The following APPL1 variants were observed in gnomAD, a reference collection of about 807,000 sequenced individuals.
The protein encoded by APPL1 is adaptor protein, phosphotyrosine interacting with PH domain and leucine zipper 1.
In APPL1, 42 loss-of-function variants were observed where a neutral mutation model predicts 106.8. The ratio of observed to expected loss-of-function variants is 0.39; its 90% CI spans 0.31 to 0.51. The LOEUF is 0.51. Ranked by LOEUF, APPL1 falls within the 20% of genes least tolerant of loss-of-function variation. The probability of loss-of-function intolerance (pLI) is 0.75; values close to 1 mark genes in which losing one functional copy is unlikely to be tolerated. For synonymous variants in APPL1, 263 were observed against 281.8 expected, an observed-to-expected ratio of 0.93 and a Z score of 0.67; for missense variants, 769 against 858.2, an observed-to-expected ratio of 0.90 and a Z score of 1.30.
chr3:57,233,018 CAAAA>C (rs1029315501), intron 1 of APPL1, among the ~76,000 whole-genome samples: 2 of 151,296 alleles, frequency 1.3e-5, no homozygotes, highest in East Asian at 1.9e-4. Flanking sequence ...AACCAAAAAA[CAAAA>C]AAACAAAAAA....
At chr3:57,243,773 G>T (rs544942347) in intron 7 of APPL1, among the ~76,000 whole-genome samples, 1 of 152,336 alleles carries the variant, frequency 6.6e-6, no homozygotes, top group East Asian at 1.9e-4. Context: ...TAGAGAAGTA[G>T]TTAAAGGCTC....
intron 10 of APPL1, among the ~76,000 whole-genome samples, chr3:57,249,107 A>G (rs914853421): frequency 7.9e-5 from 12 of 152,220 alleles, no homozygotes; most frequent in African/African-American, 2.4e-4. Flanking sequence ...CCTATATTTT[A>G]TGGATCATTA....
At position 57,248,059 on chromosome 3, in the gene APPL1, G is replaced by A. The variant is rs572918483; in HGVS notation, c.705-134G>A. 1.0e-4 allele frequency: 81 copies of A among 780,334 alleles called. No homozygotes were observed. In the South Asian group the frequency reaches 1.9e-3, roughly 18 times the overall value. The allele number at this position is 780,334 out of a possible 1,614,324, so 48.3% of individuals were successfully genotyped here. ...TGTAAACCTGTTTTAAAATATATTC[G>A]TGTTGTTTTAACCACCCATGCCGCT... is the stretch of plus-strand genomic sequence containing the variant. On this transcript the variant is annotated intron_variant, in intron 9 of 21. Transcript: ENST00000288266.
intron 10 of APPL1, 86 bp from the exon 11 acceptor site, chr3:57,249,274 T>C (rs2060790743): frequency 7.0e-7 from 1 of 1,430,856 alleles, no homozygotes; most frequent in African/African-American, 1.4e-5. Context: ...AGCCAGTTCA[T>C]TGTAACATGC....
At chr3:57,251,298 T>C (rs1297128401) in intron 11 of APPL1, among the ~76,000 whole-genome samples, 3 of 150,104 alleles carry the variant, frequency 2.0e-5, no homozygotes, top group African/African-American at 7.3e-5. Flanking sequence ...CCAAGGCGGG[T>C]GGATCACCTG....
At chr3:57,263,049 C>G (rs1428970674) in intron 19 of APPL1, among the ~76,000 whole-genome samples, 1 of 151,888 alleles carries the variant, frequency 6.6e-6, no homozygotes, top group African/African-American at 2.4e-5. Context: ...CAGGGTTTCT[C>G]CATGTTGGTC....
chr3:57,249,602 TGTG>T (rs1182122306), intron 11 of APPL1, 54 bp downstream of exon 11: 10 of 1,386,454 alleles, frequency 7.2e-6, no homozygotes, highest in Non-Finnish European at 9.5e-6. Flanking sequence ...ACTTCTGAAA[TGTG>T]AGATAATTCC....
intron 13 of APPL1, 87 bp downstream of exon 13, chr3:57,253,825 G>T: frequency 8.8e-7 from 1 of 1,136,870 alleles, no homozygotes; most frequent in Non-Finnish European, 1.1e-6. Flanking sequence ...TAATTTCTCA[G>T]GTTCTGTAAT....
Position 57,246,990 on chromosome 3 carries a change from C to CAA in APPL1, c.622-389_622-388dup, listed in dbSNP as rs56949619. Reference sequence around the variant, plus strand: ...CTGGATGACAGACGAGACCCTGTCTCAAAAAAAAAAAAAAAAATTGAATCT... The same window carrying CAA: ...CTGGATGACAGACGAGACCCTGTCTCAAAAAAAAAAAAAAAAAAATTGAATCT... On this transcript the variant is annotated intron_variant, in intron 8 of 21. Coordinates refer to ENST00000288266, the MANE Select transcript of APPL1 (RefSeq NM_012096.3). 1.7e-3 allele frequency among the ~76,000 whole-genome samples: 164 copies of CAA among 97,752 alleles called. 1 individual carries two copies. Among genetic ancestry groups the CAA allele is most frequent in the East Asian group, 0.016 (64 of 4,032 alleles). The allele number at this position is 97,752 out of a possible 152,430, so 64.1% of individuals were successfully genotyped here.
rs749542390 is a variant in APPL1, at chr3:57,245,547, A to ATTT, written c.475-529_475-528insTTT. Among the ~76,000 whole-genome samples the ATTT allele has an allele frequency of 2.1e-5, 3 of 143,780 alleles. 1 individual carries two copies. Among genetic ancestry groups the ATTT allele is most frequent in the Non-Finnish European group, 3.1e-5 (2 of 65,336 alleles). The allele number at this position is 143,780 out of a possible 152,430, so 94.3% of individuals were successfully genotyped here. A position where few individuals can be genotyped will look rare whatever the true frequency, so the allele number is the denominator to read the frequency against. On this transcript the variant is annotated intron_variant, in intron 7 of 21. Transcript: ENST00000288266. The stretch of plus-strand genomic sequence containing the variant: ...GTACAGAATTCTGTTTTCAATATGC[A>ATTT]GTTTTTTTTTTTTTTGAGACAGTCT...
In APPL1 at chr3:57,271,743, G is replaced by T. The variant is rs1472821709; in HGVS notation, c.*2056G>T. ...GGCACTGGCAGACTTAGGGATGCTG[G>T]ACAGACCTGTAGTTCGTTTTAAGTC... On this transcript the variant is annotated 3_prime_UTR_variant, in exon 22 of 22. Coordinates refer to ENST00000288266, the MANE Select transcript of APPL1 (RefSeq NM_012096.3). The T allele has an allele frequency of 6.6e-6, 1 of 152,184 alleles. No individual in the cohort carries two copies. The highest frequency in any genetic ancestry group is 1.5e-5 in the Non-Finnish European group (1 of 68,034). 9.4% of individuals were successfully genotyped at this position (152,184 alleles called of 1,614,324 possible). A position where few individuals can be genotyped will look rare whatever the true frequency, so the allele number is the denominator to read the frequency against.
intron 19 of APPL1, among the ~76,000 whole-genome samples, chr3:57,263,374 T>A (rs952172628): frequency 6.6e-6 from 1 of 151,898 alleles, no homozygotes; most frequent in African/African-American, 2.4e-5. Context: ...TTTTTTTTTT[T>A]AATCATTAAC....
intron 16 of APPL1, among the ~76,000 whole-genome samples, chr3:57,259,446 C>T (rs1434281971): frequency 6.6e-6 from 1 of 151,734 alleles, no homozygotes; most frequent in Non-Finnish European, 1.5e-5. Flanking sequence ...TAAGAACCAC[C>T]AGTTGTTGTG....
Position 57,247,175 on chromosome 3 carries a change from C to A in APPL1, c.622-220C>A, listed in dbSNP as rs943436123. ...TATGTATATATTACTTGTTCCAATT[C>A]AAAAAATATAAAAGGATATGCAGTG... On this transcript the variant is annotated intron_variant, in intron 8 of 21. Coordinates refer to ENST00000288266, the MANE Select transcript of APPL1 (RefSeq NM_012096.3). Among the ~76,000 whole-genome samples, 8 of 152,092 alleles carry A rather than the reference C, an allele frequency of 5.3e-5. No individual in the cohort carries two copies. In the East Asian group the frequency reaches 1.4e-3, roughly 26 times the overall value.
chr3:57,255,598 C>T lies in APPL1; in HGVS notation c.1153-1359C>T, dbSNP rs559583632. Among the ~76,000 whole-genome samples, 3 of 152,206 alleles carry T rather than the reference C, an allele frequency of 2.0e-5. No individual in the cohort carries two copies. The South Asian group carries it at 6.2e-4, about 32-fold the overall frequency. ...AAAATCTCATGACCTCCAAAATACT[C>T]GTAATTTGTTAGTTTTATAATGTTA... On this transcript the variant is annotated intron_variant, in intron 13 of 21. Coordinates refer to ENST00000288266, the MANE Select transcript of APPL1 (RefSeq NM_012096.3).
At chr3:57,263,039 C>T (rs2060875735) in intron 19 of APPL1, among the ~76,000 whole-genome samples, 1 of 151,834 alleles carries the variant, frequency 6.6e-6, no homozygotes, top group Admixed American at 6.6e-5. Context: ...TTAGTAGAGA[C>T]AGGGTTTCTC....
Position 57,270,202 on chromosome 3 carries a change from TTAG to T in APPL1, c.*516_*518del, listed in dbSNP as rs2060926826. Reference sequence around the variant, plus strand: ...GTGCAATAGAACTTTTATAAAATAATTAGAACAGAGATTTTACAGTTAAGGTTT... The same window carrying T: ...GTGCAATAGAACTTTTATAAAATAATAACAGAGATTTTACAGTTAAGGTTT... On this transcript the variant is annotated 3_prime_UTR_variant, in exon 22 of 22. Transcript: ENST00000288266. The T allele has an allele frequency of 6.5e-6, 1 of 152,726 alleles. No homozygotes were observed. The highest frequency in any genetic ancestry group is 2.4e-5 in the African/African-American group (1 of 41,454). The allele number at this position is 152,726 out of a possible 1,614,324, so 9.5% of individuals were successfully genotyped here.
chr3:57,263,273 C>G (rs1294981657), intron 19 of APPL1, among the ~76,000 whole-genome samples: 1 of 152,078 alleles, frequency 6.6e-6, no homozygotes, highest in African/African-American at 2.4e-5. Flanking sequence ...TAGAAACAAT[C>G]CAATTATACT....
At chr3:57,238,986 A>T (rs1051920682) in intron 4 of APPL1, among the ~76,000 whole-genome samples, 1 of 152,214 alleles carries the variant, frequency 6.6e-6, no homozygotes, top group Admixed American at 6.5e-5. Context: ...AAAGAAAAAG[A>T]GGTTTAATGG....
Sources: allele counts gnomAD v4.1 joint callset (sites outside exome capture counted in the v4.1 genomes callset), GRCh38; gene constraint gnomAD v4.1.1; transcripts MANE v1.5; gene names NCBI Gene and HGNC (gene_info 2026-07-23, HGNC 2026-07-21).